RORA: variants seen among roughly 807,000 people sequenced by gnomAD.
RORA encodes the protein RAR related orphan receptor A, also known as nuclear receptor ROR-alpha.
RORA carries 7 observed loss-of-function variants against 69.5 expected under a neutral mutation model. That is an observed-to-expected ratio of 0.10 (90% CI 0.06 to 0.19). RORA has a LOEUF of 0.19. Among genes scored for constraint, RORA ranks in the 10% least tolerant of loss-of-function variants. The pLI is 1.00. For synonymous variants in RORA, 261 were observed against 240.8 expected, an observed-to-expected ratio of 1.08 and a Z score of -0.78; for missense variants, 457 against 663.0, an observed-to-expected ratio of 0.69 and a Z score of 3.41.
At chr15:60,827,512 C>G (rs1343400451) in intron 1 of RORA, among the ~76,000 whole-genome samples, 1 of 152,194 alleles carries the variant, frequency 6.6e-6, no homozygotes, top group African/African-American at 2.4e-5. Context: ...GTTTTATAAC[C>G]ATAATGTAAT....
intron 1 of RORA, among the ~76,000 whole-genome samples, chr15:61,007,333 A>G (rs576258482): frequency 6.6e-6 from 1 of 152,336 alleles, no homozygotes; most frequent in South Asian, 2.1e-4. Context: ...CTCACCATTT[A>G]TATGATACGG....
intron 1 of RORA, among the ~76,000 whole-genome samples, chr15:61,222,185 C>G (rs1236777865): frequency 6.6e-6 from 1 of 152,108 alleles, no homozygotes; most frequent in East Asian, 1.9e-4. Flanking sequence ...GAAACCTGTA[C>G]TCTCAGCTGT....
chr15:60,735,453 A>G (rs1207975876), intron 1 of RORA, among the ~76,000 whole-genome samples: 2 of 152,186 alleles, frequency 1.3e-5, no homozygotes, highest in African/African-American at 4.8e-5. Flanking sequence ...TGACACCTCC[A>G]TCGTAACTGC....
chr15:61,066,747 C>T (rs1222379487), intron 1 of RORA, among the ~76,000 whole-genome samples: 1 of 151,804 alleles, frequency 6.6e-6, no homozygotes, highest in African/African-American at 2.4e-5. Context: ...CTTAAGAACA[C>T]AGAATACCCT....
chr15:60,655,025 A>G (rs1286747597), intron 2 of RORA, among the ~76,000 whole-genome samples: 1 of 152,190 alleles, frequency 6.6e-6, no homozygotes, highest in Non-Finnish European at 1.5e-5. Context: ...ACACTTGTTT[A>G]CCACTTACTG....
intron 3 of RORA, chr15:60,519,895 A>C (rs946864055): frequency 2.0e-5 from 3 of 152,286 alleles, no homozygotes; most frequent in African/African-American, 4.8e-5. Flanking sequence ...ACTATCATTA[A>C]AGATGTCTGT....
At chr15:60,871,565 C>T (rs2073556387) in intron 1 of RORA, among the ~76,000 whole-genome samples, 1 of 152,134 alleles carries the variant, frequency 6.6e-6, no homozygotes, top group Non-Finnish European at 1.5e-5. Context: ...CTTGTGGGAG[C>T]CATTCAACCT....
Position 60,496,700 on chromosome 15 carries a change from C to G in RORA, c.*755G>C, listed in dbSNP as rs572535686. ...GCAGCATAAATACCTCCCAACGTAC[C>G]TTCCAAGCCTTCTCAGTTAAACTTG... On this transcript the variant is annotated 3_prime_UTR_variant, in exon 11 of 11. Coordinates refer to ENST00000335670, the MANE Select transcript of RORA (RefSeq NM_134261.3). The surrounding 1 kb of genome is among the most constrained non-coding windows in gnomAD (Gnocchi z 4.5). The G allele has an allele frequency of 6.6e-6, 1 of 152,140 alleles. No homozygotes were observed. The highest frequency in any genetic ancestry group is 1.5e-5 in the Non-Finnish European group (1 of 68,022). The allele number at this position is 152,140 out of a possible 1,614,324, so 9.4% of individuals were successfully genotyped here.
chr15:60,645,780 A>G (rs145887954), intron 2 of RORA, among the ~76,000 whole-genome samples: 59 of 148,220 alleles, frequency 4.0e-4, no homozygotes, highest in African/African-American at 1.4e-3. Flanking sequence ...CTGCAGTAAA[A>G]TGTTCAGTGA....
intron 1 of RORA, among the ~76,000 whole-genome samples, chr15:61,067,156 A>G (rs7403365): frequency 1 from 150,318 of 150,320 alleles, 75,158 homozygotes; most frequent in Middle Eastern, 1. Context: ...CTGTCACCCA[A>G]ACTGGAGTGC....
chr15:60,738,151 C>T (rs941087594), intron 1 of RORA, among the ~76,000 whole-genome samples: 10 of 152,152 alleles, frequency 6.6e-5, no homozygotes, highest in African/African-American at 2.4e-4. Context: ...AAGCCGAGAC[C>T]GTAGCAGCTT....
rs528370848 is a variant in RORA, at chr15:60,911,069, ATTTTTTTTTTTTTTTTTT to A, written c.167-232401_167-232384del. On this transcript the variant is annotated intron_variant, in intron 1 of 10. Transcript: ENST00000335670. ...AGGCGCCCACCACCATGCCCAGCTAATTTTTTTTTTTTTTTTTTTTTTTTTTTTTTTTTTTTTGTATTT... is the reference window on the plus strand; with the variant it reads ...AGGCGCCCACCACCATGCCCAGCTAATTTTTTTTTTTTTTTTTTTGTATTT... Among the ~76,000 whole-genome samples, 725 of 89,694 alleles carry A rather than the reference ATTTTTTTTTTTTTTTTTT, an allele frequency of 8.1e-3. 9 individuals carry two copies. The highest frequency in any genetic ancestry group is 0.031 in the East Asian group (128 of 4,132). 58.8% of individuals were successfully genotyped at this position (89,694 alleles called of 152,430 possible). A position where few individuals can be genotyped will look rare whatever the true frequency, so the allele number is the denominator to read the frequency against.
At chr15:60,747,068 AG>A (rs1386773349) in intron 1 of RORA, among the ~76,000 whole-genome samples, 3 of 152,064 alleles carry the variant, frequency 2.0e-5, no homozygotes, top group Non-Finnish European at 2.9e-5. Context: ...CCAATGTTAG[AG>A]ACCCTCTATT....
At chr15:60,749,827 A>G (rs1161303553) in intron 1 of RORA, among the ~76,000 whole-genome samples, 1 of 152,186 alleles carries the variant, frequency 6.6e-6, no homozygotes, top group East Asian at 1.9e-4. Flanking sequence ...CAGGAGTTCA[A>G]GATCAGCCTG....
intron 1 of RORA, among the ~76,000 whole-genome samples, chr15:60,735,439 C>T: frequency 6.6e-6 from 1 of 152,106 alleles, no homozygotes; most frequent in Middle Eastern, 3.2e-3. Context: ...CCTGGGAAAG[C>T]ATATGACACC....
At chr15:60,772,220 CCT>C (rs1321186940) in intron 1 of RORA, among the ~76,000 whole-genome samples, 2 of 152,180 alleles carry the variant, frequency 1.3e-5, no homozygotes, top group Middle Eastern at 3.4e-3. Flanking sequence ...CCCCCACCCC[CCT>C]GACAGGCCGC....
At chr15:60,910,554 C>T (rs1891676533) in intron 1 of RORA, among the ~76,000 whole-genome samples, 1 of 152,154 alleles carries the variant, frequency 6.6e-6, no homozygotes, top group Non-Finnish European at 1.5e-5. Context: ...ACACCATCTA[C>T]CTCAAAACAA....
chr15:61,139,050 A>G (rs1185461703), intron 1 of RORA, among the ~76,000 whole-genome samples: 3 of 152,044 alleles, frequency 2.0e-5, no homozygotes, highest in Non-Finnish European at 2.9e-5. Context: ...AGGCTGAGGC[A>G]GGAGAACGGC....
intron 1 of RORA, among the ~76,000 whole-genome samples, chr15:61,111,483 C>T (rs1054056572): frequency 3.3e-5 from 5 of 152,150 alleles, no homozygotes; most frequent in Non-Finnish European, 2.9e-5. Flanking sequence ...TAATTCAATA[C>T]GGCTCTTGAG....
Sources: gnomAD v4.1 joint callset for allele counts (sites outside exome capture counted in the v4.1 genomes callset) on GRCh38, gnomAD v4.1.1 for gene constraint, Gnocchi (gnomAD v3.1) non-coding constraint, MANE v1.5 for transcripts, NCBI Gene and HGNC (gene_info 2026-07-23, HGNC 2026-07-21) for gene names.